Variants in ANKRD50 observed in about 807,000 individuals in gnomAD.
The protein encoded by ANKRD50 is ankyrin repeat domain-containing protein 50.
ANKRD50 carries 40 observed loss-of-function variants against 112.0 expected under a neutral mutation model. The ratio of observed to expected loss-of-function variants is 0.36; its 90% CI spans 0.28 to 0.46. The LOEUF (loss-of-function observed/expected upper bound fraction) is 0.46, where lower values mean the gene tolerates loss of function less well. Ranked by LOEUF, ANKRD50 falls within the 20% of genes least tolerant of loss-of-function variation. ANKRD50 has a pLI of 1.00. For missense variants in ANKRD50, 1,487 were observed against 1,701.7 expected, an observed-to-expected ratio of 0.87 and a Z score of 2.22; for synonymous variants, 613 against 619.1, an observed-to-expected ratio of 0.99 and a Z score of 0.15.
chr4:124,672,377 A>C lies in ANKRD50; in HGVS notation c.900T>G (p.Ser300Arg). Residue 300 changes from serine (S) to arginine (R), a missense_variant, in exon 4 of 5, where the codon AGT becomes AGG. By Grantham distance (110) the Ser-to-Arg change is moderately radical. Coordinates refer to ENST00000504087, the MANE Select transcript of ANKRD50 (RefSeq NM_020337.3). ...EMLNQLHIKS[S>R]GCFLYLERVL... ...CTCGTTCTAGGTAAAGAAAGCATCCACTGCTTTTAATGTGCAGTTGATTTA... is the reference window on the plus strand; with the variant it reads ...CTCGTTCTAGGTAAAGAAAGCATCCCCTGCTTTTAATGTGCAGTTGATTTA... 1.2e-6 allele frequency: 2 copies of C among 1,613,160 alleles called. No individual in the cohort carries two copies. Among genetic ancestry groups the C allele is most frequent in the Non-Finnish European group, 1.7e-6 (2 of 1,179,704 alleles).
At chr4:124,697,086 A>C (rs533727248) in intron 2 of ANKRD50, among the ~76,000 whole-genome samples, 5 of 152,342 alleles carry the variant, frequency 3.3e-5, no homozygotes, top group African/African-American at 1.2e-4. Flanking sequence ...AGACTAAGGG[A>C]GCAGCAACAT....
Position 124,710,036 on chromosome 4 carries a change from C to G in ANKRD50, c.476G>C (p.Gly159Ala). 1 of 1,614,092 alleles carries G rather than the reference C, an allele frequency of 6.2e-7. No homozygotes were observed. The highest frequency in any genetic ancestry group is 8.5e-7 in the Non-Finnish European group (1 of 1,179,998). ...TTCGGCTGGGTTTCTCTCGCACTCC[C>G]CAGGCTGTAAGAGGCTTTGGACTGC... ...DPAVQSLLQP[G>A]ECERNPAEAF... The change falls in exon 2 of 5, where the codon GGG becomes GCG. Residue 159 changes from glycine (G) to alanine (A), a missense_variant. This residue lies in a region of ANKRD50 where 1,046 missense variants were observed against 1,269.5 expected (regional missense o/e 0.82). Transcript: ENST00000504087.
intron 3 of ANKRD50, among the ~76,000 whole-genome samples, chr4:124,676,724 C>T (rs755192939): frequency 6.6e-6 from 1 of 151,468 alleles, no homozygotes; most frequent in Non-Finnish European, 1.5e-5. Flanking sequence ...TTAGAGGTTA[C>T]AAATAATATA....
intron 2 of ANKRD50, among the ~76,000 whole-genome samples, chr4:124,697,239 TAC>T (rs756567617): frequency 3.9e-5 from 6 of 152,258 alleles, no homozygotes; most frequent in Middle Eastern, 3.4e-3. Context: ...TCCACTGAGA[TAC>T]AGTTGATAAT....
chr4:124,669,983 T>C lies in ANKRD50; in HGVS notation c.3294A>G (p.Glu1098=). ...CATTCAAACTAGATGCACCATATTT[T>C]TCTAATAATTTAATTATCTGAGAAT... The part of the protein sequence containing the change: ...NGHSQIIKLL[E]KYGASSLNGC... The change falls in exon 4 of 5, where the codon GAA becomes GAG. Residue 1098 remains glutamate (E), a synonymous_variant. Coordinates refer to ENST00000504087, the MANE Select transcript of ANKRD50 (RefSeq NM_020337.3). The C allele has an allele frequency of 6.2e-7, 1 of 1,609,044 alleles. No individual in the cohort carries two copies. The highest frequency in any genetic ancestry group is 1.1e-5 in the South Asian group (1 of 89,880).
intron 2 of ANKRD50, among the ~76,000 whole-genome samples, chr4:124,697,722 T>C (rs1349355074): frequency 6.6e-6 from 1 of 151,966 alleles, no homozygotes; most frequent in Non-Finnish European, 1.5e-5. Flanking sequence ...AGGTATTCTG[T>C]TATAGGAACA....
rs775400702 is a variant in ANKRD50, at chr4:124,672,300, A to G, written c.977T>C (p.Ile326Thr). The change falls in exon 4 of 5, where the codon ATC (isoleucine) becomes ACC (threonine). Residue 326 changes from isoleucine (I) to threonine (T), a missense_variant. Ile to Thr is a moderately conservative substitution (Grantham distance 89). Transcript: ENST00000504087. The stretch of plus-strand genomic sequence containing the variant: ...ATATAAACCATTTAGAGTTCCTGGG[A>G]TGTCACGAATTTCTCTTAACATAAT... ...NFIMLREIRD[I>T]PGTLNGLYLW... The G allele has an allele frequency of 6.2e-7, 1 of 1,613,562 alleles. No homozygotes were observed.
At position 124,667,016 on chromosome 4, in the gene ANKRD50, G is replaced by A. The variant is rs1022674298; in HGVS notation, c.*502C>T. 6 of 151,808 alleles carry A rather than the reference G, an allele frequency of 4.0e-5. No individual in the cohort carries two copies. Among genetic ancestry groups the A allele is most frequent in the African/African-American group, 1.5e-4 (6 of 41,366 alleles). The allele number at this position is 151,808 out of a possible 1,614,324, so 9.4% of individuals were successfully genotyped here. On this transcript the variant is annotated 3_prime_UTR_variant, in exon 5 of 5. Transcript: ENST00000504087. ...CTGAAGGTGTAGTGAACATAGAACA[G>A]TTGCAAGATTTGTTTTATTGAGCAA...
chr4:124,683,854 T>C (rs1233673911), intron 2 of ANKRD50, among the ~76,000 whole-genome samples: 1 of 150,716 alleles, frequency 6.6e-6, no homozygotes, highest in East Asian at 1.9e-4. Context: ...TTTTTGGACA[T>C]GTACAATTTC....
intron 2 of ANKRD50, among the ~76,000 whole-genome samples, chr4:124,695,887 G>A (rs931973282): frequency 1.4e-4 from 22 of 152,186 alleles, no homozygotes; most frequent in African/African-American, 4.3e-4. Context: ...CACCCTATCT[G>A]TCCAAGGTTT....
At chr4:124,689,894 G>A (rs186887992) in intron 2 of ANKRD50, among the ~76,000 whole-genome samples, 1 of 150,478 alleles carries the variant, frequency 6.6e-6, no homozygotes, top group Admixed American at 6.7e-5. Context: ...CTTCATATAG[G>A]TTACTTTATT....
rs139677250 is a variant in ANKRD50, at chr4:124,670,966, C to T, written c.2311G>A (p.Gly771Arg). The change falls in exon 4 of 5, where the codon GGA becomes AGA. Residue 771 changes from glycine to arginine, a missense_variant. Physicochemically the swap from Gly to Arg is moderately radical, Grantham distance 125 (BLOSUM62 -2). Coordinates refer to ENST00000504087, the MANE Select transcript of ANKRD50 (RefSeq NM_020337.3). Reference sequence around the variant, plus strand: ...TTATCTGTGTGATCTACATCTGCTCCCCCTTCTAGAAGCAAGTCAACCACA... The same window carrying T: ...TTATCTGTGTGATCTACATCTGCTCTCCCTTCTAGAAGCAAGTCAACCACA... ...VDVVDLLLEG[G>R]ADVDHTDNNG... 11 of 1,613,738 alleles carry T rather than the reference C, an allele frequency of 6.8e-6. No individual in the cohort carries two copies. The highest frequency in any genetic ancestry group is 3.3e-4 in the Middle Eastern group (2 of 6,080).
In ANKRD50 at chr4:124,710,517, GTTT is replaced by G. The variant is rs1319595019; in HGVS notation, c.-9_-7del. The G allele has an allele frequency of 1.2e-6, 2 of 1,603,944 alleles. No homozygotes were observed. Among genetic ancestry groups the G allele is most frequent in the Non-Finnish European group, 1.7e-6 (2 of 1,177,342 alleles). On this transcript the variant is annotated 5_prime_UTR_variant, in exon 2 of 5. Transcript: ENST00000504087. ...TCTTCCCAAGGATTAGTCATAACGGGTTTTTTATCTTCATTTGCTAGAGTCTGG... is the reference window on the plus strand; with the variant it reads ...TCTTCCCAAGGATTAGTCATAACGGGTTTATCTTCATTTGCTAGAGTCTGG...
intron 2 of ANKRD50, among the ~76,000 whole-genome samples, chr4:124,691,267 T>G (rs939876699): frequency 6.7e-6 from 1 of 150,156 alleles, no homozygotes; most frequent in Non-Finnish European, 1.5e-5. Flanking sequence ...CCGAGGCGGG[T>G]GGATCATGAG....
Position 124,670,011 on chromosome 4 carries a change from C to T in ANKRD50, c.3266G>A (p.Gly1089Glu), listed in dbSNP as rs547418955. 4 of 1,610,012 alleles carry T rather than the reference C, an allele frequency of 2.5e-6. No individual in the cohort carries two copies. The highest frequency in any genetic ancestry group is 3.4e-6 in the Non-Finnish European group (4 of 1,179,130). Residue 1089 changes from glycine to glutamate, a missense_variant, in exon 4 of 5, where the codon GGA becomes GAA. Around this residue, in one of 2 missense-constraint regions of ANKRD50, gnomAD observed 441 missense variants for 432.2 expected, o/e 1.02. Coordinates refer to ENST00000504087, the MANE Select transcript of ANKRD50 (RefSeq NM_020337.3). ...TAATAATTTAATTATCTGAGAATGT[C>T]CATTTTTGGCTGCAACACGCATAGC... ...RTAMRVAAKN[G>E]HSQIIKLLEK... is the part of the protein sequence containing the mutation.
chr4:124,702,791 T>TA (rs1038881133), intron 2 of ANKRD50, among the ~76,000 whole-genome samples: 66 of 152,282 alleles, frequency 4.3e-4, no homozygotes, highest in African/African-American at 1.5e-3. Context: ...TCACTTAACT[T>TA]AGTGTTCTGC....
intron 2 of ANKRD50, among the ~76,000 whole-genome samples, chr4:124,700,086 G>T (rs915588788): frequency 1.3e-5 from 2 of 152,180 alleles, no homozygotes; most frequent in Non-Finnish European, 2.9e-5. Context: ...TTAAGACAAT[G>T]ACTGGCTAGG....
At chr4:124,679,860 T>A (rs910460163) in intron 2 of ANKRD50, among the ~76,000 whole-genome samples, 2 of 152,338 alleles carry the variant, frequency 1.3e-5, no homozygotes, top group African/African-American at 4.8e-5. Context: ...TTACCTGGGC[T>A]ACCCTAACAA....
rs752247164 is a variant in ANKRD50 at position 124,671,637 on chromosome 4, G to A, written c.1640C>T (p.Thr547Ile). 6.2e-7 allele frequency: 1 copy of A among 1,613,830 alleles called. No homozygotes were observed. The highest frequency in any genetic ancestry group is 2.2e-5 in the East Asian group (1 of 44,856). ...SVNQCDSNGR[T>I]LLANAAYSGS... Reference sequence around the variant, plus strand: ...ACTATATGCAGCATTAGCCAATAATGTTCTCCCATTTGAATCACACTGATT... The same window carrying A: ...ACTATATGCAGCATTAGCCAATAATATTCTCCCATTTGAATCACACTGATT... Residue 547 changes from threonine to isoleucine, a missense_variant, in exon 4 of 5, where the codon ACA becomes ATA. Physicochemically the swap from Thr to Ile is moderately conservative, Grantham distance 89. Transcript: ENST00000504087.
Sources: allele counts gnomAD v4.1 joint callset (sites outside exome capture counted in the v4.1 genomes callset), GRCh38; gene constraint gnomAD v4.1.1; regional missense constraint gnomAD v4.1.1; transcripts MANE v1.5; gene names NCBI Gene and HGNC (gene_info 2026-07-23, HGNC 2026-07-21).